Variants in PTPN20 observed in about 807,000 individuals in gnomAD.
PTPN20 encodes tyrosine-protein phosphatase non-receptor type 20.
PTPN20 carries 9 observed loss-of-function variants against 35.0 expected under a neutral mutation model. The observed-to-expected ratio is 0.26, with a 90% CI of 0.15 to 0.45. The LOEUF (loss-of-function observed/expected upper bound fraction) is 0.45, where lower values mean the gene tolerates loss of function less well. Ranked by LOEUF, PTPN20 falls within the 20% of genes least tolerant of loss-of-function variation. PTPN20 has a pLI of 1.00. For synonymous variants in PTPN20, 32 were observed against 100.2 expected (o/e 0.32, Z 4.06); for missense variants, 111 against 312.5 (o/e 0.36, Z 4.86).
chr10:46,979,023 C>A (rs2054508916), intron 7 of PTPN20, among the ~76,000 whole-genome samples: 1 of 151,988 alleles, frequency 6.6e-6, no homozygotes, highest in South Asian at 2.1e-4. Flanking sequence ...AATAACTTCC[C>A]AGACTTGAGC....
At chr10:46,996,921 G>A (rs2059203165) in intron 9 of PTPN20, among the ~76,000 whole-genome samples, 3 of 152,034 alleles carry the variant, frequency 2.0e-5, no homozygotes, top group African/African-American at 4.8e-5. Context: ...TTCCTCCCAC[G>A]TTATTCTCCT....
intron 5 of PTPN20, chr10:46,954,970 A>C (rs1250085081): frequency 6.6e-6 from 1 of 151,622 alleles, no homozygotes; most frequent in African/African-American, 2.4e-5. Context: ...TTTTAAAAAT[A>C]TAACAACTAT....
At chr10:46,995,322 AT>A (rs1365468770) in intron 9 of PTPN20, among the ~76,000 whole-genome samples, 2,864 of 87,564 alleles carry the variant, frequency 0.033, 94 homozygotes, top group Admixed American at 0.081. Context: ...TACCTGTCGA[AT>A]TTTTTTTTTC....
At chr10:46,945,584 T>C (rs2134166532) in intron 4 of PTPN20, among the ~76,000 whole-genome samples, 1 of 152,358 alleles carries the variant, frequency 6.6e-6, no homozygotes, top group Non-Finnish European at 1.5e-5. Context: ...TGATTTATCC[T>C]GATATTGGTG....
In PTPN20 at chr10:46,999,053, G is replaced by A. The variant is rs946079107; in HGVS notation, c.1135-859G>A. On this transcript the variant is annotated intron_variant, in intron 9 of 10. Transcript: ENST00000374339. ...GATTGCAGTGAAATATGATGACACC[G>A]CTGTACTCCAGCAGCTGAGACAACA... Among the ~76,000 whole-genome samples the A allele has an allele frequency of 2.2e-3, 330 of 152,220 alleles. 1 individual carries two copies. The highest frequency in any genetic ancestry group is 0.01 in the Middle Eastern group (3 of 290).
chr10:46,995,838 G>A (rs1044307062), intron 9 of PTPN20, among the ~76,000 whole-genome samples: 2 of 152,082 alleles, frequency 1.3e-5, no homozygotes, highest in Non-Finnish European at 2.9e-5. Context: ...TGGAGAAATG[G>A]GCATTGCAGA....
At chr10:46,932,267 A>T (rs2039922396) in intron 1 of PTPN20, 110 bp from the exon 2 acceptor site, 1 of 1,406,010 alleles carries the variant, frequency 7.1e-7, no homozygotes, top group Non-Finnish European at 9.4e-7. Context: ...TTTTGTCTTT[A>T]ATTAAAATTG....
chr10:46,947,078 A>G lies in PTPN20; in HGVS notation c.340+403A>G, dbSNP rs1444768344. On this transcript the variant is annotated intron_variant, in intron 5 of 10. Coordinates refer to ENST00000374339, the MANE Select transcript of PTPN20 (RefSeq NM_001042357.5). ...TATCACATGTTTATAGTGGAAAAAA[A>G]GACAATAACAAATATATAATAAATT... Among the ~76,000 whole-genome samples, 19 of 135,278 alleles carry G rather than the reference A, an allele frequency of 1.4e-4. No homozygotes were observed. In the East Asian group the frequency reaches 2.0e-3, roughly 14 times the overall value. 88.7% of individuals were successfully genotyped at this position (135,278 alleles called of 152,430 possible). A position where few individuals can be genotyped will look rare whatever the true frequency, so the allele number is the denominator to read the frequency against.
intron 3 of PTPN20, among the ~76,000 whole-genome samples, chr10:46,940,955 G>A (rs2043287105): frequency 1.3e-5 from 2 of 151,816 alleles, no homozygotes. Flanking sequence ...CTAGTTTTGT[G>A]TTACTAATGA....
At chr10:46,915,856 A>T (rs2032893400) in intron 1 of PTPN20, among the ~76,000 whole-genome samples, 1 of 80,324 alleles carries the variant, frequency 1.2e-5, no homozygotes, top group Non-Finnish European at 2.3e-5. Context: ...AAAAAAAATG[A>T]CCAGTGCTGG....
At chr10:46,938,966 C>CT (rs1207697212) in intron 2 of PTPN20, among the ~76,000 whole-genome samples, 19 of 151,858 alleles carry the variant, frequency 1.3e-4, no homozygotes, top group African/African-American at 4.6e-4. Context: ...TGAGGCTGGA[C>CT]TTTTTCTGAA....
intron 9 of PTPN20, among the ~76,000 whole-genome samples, chr10:46,991,479 G>T (rs2057950151): frequency 2.1e-5 from 2 of 94,644 alleles, no homozygotes; most frequent in African/African-American, 8.0e-5. Context: ...TCACATTGTT[G>T]GCTGGTTGCT....
At chr10:46,940,971 C>CA (rs1414560406) in intron 3 of PTPN20, among the ~76,000 whole-genome samples, 3 of 151,702 alleles carry the variant, frequency 2.0e-5, no homozygotes, top group African/African-American at 7.3e-5. Flanking sequence ...AATGAAGATA[C>CA]AAAATAAATG....
At chr10:46,959,842 T>C (rs1333521528) in intron 5 of PTPN20, among the ~76,000 whole-genome samples, 11 of 114,206 alleles carry the variant, frequency 9.6e-5, no homozygotes, top group African/African-American at 3.8e-4. Flanking sequence ...TTTTATATAT[T>C]ATGTGTTCCA....
intron 2 of PTPN20, among the ~76,000 whole-genome samples, chr10:46,937,774 T>C (rs2042136611): frequency 2.0e-5 from 3 of 152,082 alleles, no homozygotes; most frequent in Non-Finnish European, 2.9e-5. Flanking sequence ...TTTCTAAATT[T>C]TATCATCTGT....
chr10:46,979,998 T>A (rs1415167431), intron 7 of PTPN20, among the ~76,000 whole-genome samples: 1 of 151,018 alleles, frequency 6.6e-6, no homozygotes, highest in African/African-American at 2.4e-5. Context: ...TTGTGCTGAT[T>A]GGATCTAGTG....
In PTPN20 at chr10:47,002,275, C is replaced by A. The variant is rs2138425431; in HGVS notation, c.*1534C>A. On this transcript the variant is annotated 3_prime_UTR_variant, in exon 11 of 11. Coordinates refer to ENST00000374339, the MANE Select transcript of PTPN20 (RefSeq NM_001042357.5). ...AATAGCTATAATGTATAACAATTTT[C>A]TTCAGAAGAATTCTATGCTATTATT... is the stretch of plus-strand genomic sequence containing the variant. 2 of 152,254 alleles carry A rather than the reference C, an allele frequency of 1.3e-5. No homozygotes were observed. The highest frequency in any genetic ancestry group is 1.9e-4 in the East Asian group (1 of 5,186). 9.4% of individuals were successfully genotyped at this position (152,254 alleles called of 1,614,324 possible).
At chr10:46,959,488 A>G (rs2049296197) in intron 5 of PTPN20, among the ~76,000 whole-genome samples, 1 of 147,394 alleles carries the variant, frequency 6.8e-6, no homozygotes, top group Non-Finnish European at 1.5e-5. Context: ...TAATTCATTT[A>G]TATCTAAAGT....
At chr10:46,929,268 T>C (rs2038760543) in intron 1 of PTPN20, among the ~76,000 whole-genome samples, 1 of 127,934 alleles carries the variant, frequency 7.8e-6, no homozygotes, top group Admixed American at 8.0e-5. Context: ...CTTTGTTTCA[T>C]ATTGGAGCTT....
Sources: allele counts gnomAD v4.1 joint callset (sites outside exome capture counted in the v4.1 genomes callset), GRCh38; gene constraint gnomAD v4.1.1; transcripts MANE v1.5; gene names NCBI Gene and HGNC (gene_info 2026-07-23, HGNC 2026-07-21).